PTPN14: variants seen among roughly 807,000 people sequenced by gnomAD.
PTPN14 encodes the protein tyrosine-protein phosphatase non-receptor type 14.
Under a neutral mutation model 126.8 loss-of-function variants are expected in PTPN14, and 53 were observed. The observed-to-expected ratio is 0.42, with a 90% CI of 0.34 to 0.53. The LOEUF (loss-of-function observed/expected upper bound fraction) is 0.53, where lower values mean the gene tolerates loss of function less well. PTPN14 is among the 20% of genes least tolerant of loss of function. PTPN14 has a pLI of 0.08. For synonymous variants in PTPN14, 630 were observed against 599.3 expected (o/e 1.05, Z -0.75); for missense variants, 1,257 against 1,552.9 (o/e 0.81, Z 3.20).
chr1:214,406,802 A>G (rs1476935383), intron 5 of PTPN14, among the ~76,000 whole-genome samples: 3 of 152,206 alleles, frequency 2.0e-5, no homozygotes, highest in Non-Finnish European at 2.9e-5. Flanking sequence ...GCATTTTACC[A>G]TTTACAAACT....
intron 1 of PTPN14, among the ~76,000 whole-genome samples, chr1:214,507,774 T>C (rs1008565774): frequency 1.3e-5 from 2 of 152,228 alleles, no homozygotes; most frequent in African/African-American, 4.8e-5. Flanking sequence ...AAAGTTATGT[T>C]TGTTTTACAC....
intron 3 of PTPN14, among the ~76,000 whole-genome samples, chr1:214,447,442 G>C (rs1440359069): frequency 6.6e-6 from 1 of 151,674 alleles, no homozygotes; most frequent in Non-Finnish European, 1.5e-5. Context: ...TTATTCTCTA[G>C]TCCATAAGCC....
chr1:214,511,053 G>GTT (rs11335308), intron 1 of PTPN14, among the ~76,000 whole-genome samples: 3 of 147,386 alleles, frequency 2.0e-5, no homozygotes, highest in Admixed American at 6.8e-5. Flanking sequence ...TAAGTCTTTG[G>GTT]TTTTTTTTTT....
rs1277657787 is a variant in PTPN14, at chr1:214,377,970, T to C, written c.2677A>G (p.Met893Val). 4 of 1,612,874 alleles carry C rather than the reference T, an allele frequency of 2.5e-6. No individual in the cohort carries two copies. Among genetic ancestry groups the C allele is most frequent in the South Asian group, 1.1e-5 (1 of 90,980 alleles). ...AGCCTGCCACTTACCCTCTCGTCCA[T>C]GGGAACCCGGGTGGCATCAACTCGA... ...ENRVDATRVP[M>V]DERFRTLKKK... The change falls in exon 14 of 19, where the codon ATG becomes GTG. Residue 893 changes from methionine (M) to valine (V), a missense_variant. Around this residue, in one of 3 missense-constraint regions of PTPN14, gnomAD observed 1,021 missense variants for 1,183.3 expected, o/e 0.86. Transcript: ENST00000366956.
chr1:214,468,023 C>CA (rs1660679323), intron 1 of PTPN14, among the ~76,000 whole-genome samples: 2 of 151,730 alleles, frequency 1.3e-5, no homozygotes, highest in Non-Finnish European at 2.9e-5. Context: ...AGTGTGTGAA[C>CA]CCTGACTAAA....
chr1:214,507,569 T>G (rs1332682670), intron 1 of PTPN14, among the ~76,000 whole-genome samples: 7 of 152,224 alleles, frequency 4.6e-5, no homozygotes, highest in Non-Finnish European at 7.3e-5. Flanking sequence ...AAATTTATTC[T>G]TCTCTAGGAT....
intron 1 of PTPN14, among the ~76,000 whole-genome samples, chr1:214,502,167 T>C (rs1300054241): frequency 1.3e-5 from 2 of 151,660 alleles, no homozygotes; most frequent in African/African-American, 4.8e-5. Flanking sequence ...ATTTGGGAGC[T>C]CTCATAAAGA....
Position 214,348,924 on chromosome 1 carries a change from A to G in PTPN14, c.*8998T>C, listed in dbSNP as rs1182218138. 6.6e-6 allele frequency: 1 copy of G among 152,222 alleles called. No homozygotes were observed. Among genetic ancestry groups the G allele is most frequent in the Non-Finnish European group, 1.5e-5 (1 of 68,038 alleles). 9.4% of individuals were successfully genotyped at this position (152,222 alleles called of 1,614,324 possible). On this transcript the variant is annotated 3_prime_UTR_variant, in exon 19 of 19. Transcript: ENST00000366956. ...TGTCAAAGTCAGTTCTATACACCTC[A>G]TAACTGTGTATACAACTGGCAAGCA... is the stretch of plus-strand genomic sequence containing the variant.
chr1:214,355,764 TGTG>T lies in PTPN14; in HGVS notation c.*2155_*2157del, dbSNP rs1657803997. ...AATGGGGAATATATACCTGTTGGCA[TGTG>T]GTGATGGGATGTCACAAAGGCATAC... On this transcript the variant is annotated 3_prime_UTR_variant, in exon 19 of 19. Coordinates refer to ENST00000366956, the MANE Select transcript of PTPN14 (RefSeq NM_005401.5). 6.6e-6 allele frequency: 1 copy of T among 152,136 alleles called. No homozygotes were observed. Among genetic ancestry groups the T allele is most frequent in the Non-Finnish European group, 1.5e-5 (1 of 68,020 alleles). 9.4% of individuals were successfully genotyped at this position (152,136 alleles called of 1,614,324 possible).
intron 1 of PTPN14, among the ~76,000 whole-genome samples, chr1:214,520,065 A>AAAAAAAAATATATATATATATATAT: frequency 4.2e-5 from 3 of 71,110 alleles, no homozygotes; most frequent in East Asian, 4.8e-4. Context: ...AAAAAAAAAA[A>AAAAAAAAATATATATATATATATAT]ATATATATAT....
chr1:214,492,952 G>GTA (rs1371618032), intron 1 of PTPN14, among the ~76,000 whole-genome samples: 7 of 152,066 alleles, frequency 4.6e-5, no homozygotes, highest in Middle Eastern at 3.4e-3. Context: ...TAGCAGGAGG[G>GTA]TATGAGGGTA....
At chr1:214,503,062 G>C (rs1654746309) in intron 1 of PTPN14, among the ~76,000 whole-genome samples, 1 of 152,122 alleles carries the variant, frequency 6.6e-6, no homozygotes, top group Non-Finnish European at 1.5e-5. Flanking sequence ...TTAAATGAGA[G>C]ATTCAGAGTT....
At chr1:214,535,241 C>T (rs1316468595) in intron 1 of PTPN14, among the ~76,000 whole-genome samples, 1 of 152,042 alleles carries the variant, frequency 6.6e-6, no homozygotes, top group Non-Finnish European at 1.5e-5. Context: ...TTAGATGCTA[C>T]CTCTTTATAA....
At chr1:214,448,352 T>TC (rs1178768044) in intron 3 of PTPN14, among the ~76,000 whole-genome samples, 1 of 151,358 alleles carries the variant, frequency 6.6e-6, no homozygotes, top group Non-Finnish European at 1.5e-5. Flanking sequence ...TGCCTCAGAC[T>TC]CCCGCGTAGC....
Position 214,376,416 on chromosome 1 carries a change from G to A in PTPN14, c.2710C>T (p.Leu904=). Residue 904 remains leucine, a synonymous_variant, in exon 15 of 19, where the codon CTA becomes TTA. Coordinates refer to ENST00000366956, the MANE Select transcript of PTPN14 (RefSeq NM_005401.5). ...DERFRTLKKK[L]EEGMVFTEYE... Reference sequence around the variant, plus strand: ...TCTGTGAACACCATTCCCTCTTCTAGTTTCTTCTTCAGGGTTCTGAACTGC... The same window carrying A: ...TCTGTGAACACCATTCCCTCTTCTAATTTCTTCTTCAGGGTTCTGAACTGC... 6.2e-7 allele frequency: 1 copy of A among 1,613,508 alleles called. No homozygotes were observed. The highest frequency in any genetic ancestry group is 8.5e-7 in the Non-Finnish European group (1 of 1,179,544).
rs918168207 is a variant in PTPN14, at chr1:214,352,757, A to G, written c.*5165T>C. The G allele has an allele frequency of 2.6e-5, 4 of 152,140 alleles. No homozygotes were observed. Among genetic ancestry groups the G allele is most frequent in the African/African-American group, 9.7e-5 (4 of 41,420 alleles). 9.4% of individuals were successfully genotyped at this position (152,140 alleles called of 1,614,324 possible). ...TGTGTGGTTTCTACAGAAGACCCAA[A>G]TTTCTCCATTTGGAAACCATGCTGG... On this transcript the variant is annotated 3_prime_UTR_variant, in exon 19 of 19. Transcript: ENST00000366956.
intron 3 of PTPN14, among the ~76,000 whole-genome samples, chr1:214,433,048 C>T (rs1233035459): frequency 1.3e-5 from 2 of 152,140 alleles, no homozygotes; most frequent in Non-Finnish European, 2.9e-5. Flanking sequence ...GGACTACAGG[C>T]GCCCACCACC....
At chr1:214,375,343 A>G (rs1658321506) in intron 15 of PTPN14, among the ~76,000 whole-genome samples, 1 of 152,204 alleles carries the variant, frequency 6.6e-6, no homozygotes, top group Non-Finnish European at 1.5e-5. Flanking sequence ...AAGGCCGAAA[A>G]CAGGTTTCTA....
At chr1:214,505,125 A>T (rs1163923485) in intron 1 of PTPN14, among the ~76,000 whole-genome samples, 1 of 152,044 alleles carries the variant, frequency 6.6e-6, no homozygotes, top group African/African-American at 2.4e-5. Flanking sequence ...GTCTGAGTTA[A>T]ATATGAGTTC....
Sources: allele counts gnomAD v4.1 joint callset (sites outside exome capture counted in the v4.1 genomes callset), GRCh38; gene constraint gnomAD v4.1.1; regional missense constraint gnomAD v4.1.1; transcripts MANE v1.5; gene names NCBI Gene and HGNC (gene_info 2026-07-23, HGNC 2026-07-21).